Variants in NR2F1-AS1 observed in about 807,000 individuals in gnomAD.
The protein encoded by NR2F1-AS1 is NR2F1 antisense RNA 1.
rs59297889 is a variant in NR2F1-AS1 at position 93,535,151 on chromosome 5, C to CAA, written n.638+18608_638+18609dup. 2.5e-3 allele frequency among the ~76,000 whole-genome samples: 323 copies of CAA among 126,882 alleles called. 2 individuals carry two copies. The highest frequency in any genetic ancestry group is 8.3e-3 in the African/African-American group (294 of 35,340). The allele number at this position is 126,882 out of a possible 152,430, so 83.2% of individuals were successfully genotyped here. A position where few individuals can be genotyped will look rare whatever the true frequency, so the allele number is the denominator to read the frequency against. On this transcript the variant is annotated intron_variant and non_coding_transcript_variant, in intron 4 of 5. Coordinates refer to ENST00000660523, the Ensembl canonical transcript of NR2F1-AS1. ...CCTTAAACAGAATGAGAGACTCAGA[C>CAA]AAAAAAAAAAAATGGAAGGAATAAA...
chr5:93,582,945 A>G (rs1317122659), upstream of NR2F1-AS1, among the ~76,000 whole-genome samples: 2 of 149,016 alleles, frequency 1.3e-5, no homozygotes, highest in Non-Finnish European at 3.0e-5. Context: ...GTAGGTAGCT[A>G]AGCGGGGGGG....
chr5:93,507,493 G>A (rs1376963419), intron 4 of NR2F1-AS1, among the ~76,000 whole-genome samples: 1 of 152,138 alleles, frequency 6.6e-6, no homozygotes, highest in Non-Finnish European at 1.5e-5. Context: ...AAGTAGCTGG[G>A]ATTACAGGTG....
chr5:93,582,190 C>A (rs929070258), upstream of NR2F1-AS1, among the ~76,000 whole-genome samples: 14 of 148,430 alleles, frequency 9.4e-5, no homozygotes, highest in African/African-American at 2.5e-4. Flanking sequence ...AATCTCCCCC[C>A]ACCCTGCAAC....
chr5:93,553,883 AG>A (rs1752288361), intron 3 of NR2F1-AS1: 1 of 152,206 alleles, frequency 6.6e-6, no homozygotes, highest in Admixed American at 6.5e-5. Flanking sequence ...GATTATTACC[AG>A]TGGTCACAGA....
intron 4 of NR2F1-AS1, among the ~76,000 whole-genome samples, chr5:93,513,562 C>A (rs1751344186): frequency 6.6e-6 from 1 of 152,060 alleles, no homozygotes; most frequent in Non-Finnish European, 1.5e-5. Flanking sequence ...AACAGAAAAA[C>A]AAACACTATA....
chr5:93,456,759 T>C (rs1364205155), intron 4 of NR2F1-AS1, among the ~76,000 whole-genome samples: 1 of 151,970 alleles, frequency 6.6e-6, no homozygotes, highest in African/African-American at 2.4e-5. Context: ...TCCCTCAGTA[T>C]TTATTCATTA....
chr5:93,484,873 T>C (rs1252432874), intron 4 of NR2F1-AS1, among the ~76,000 whole-genome samples: 1 of 151,770 alleles, frequency 6.6e-6, no homozygotes, highest in African/African-American at 2.4e-5. Flanking sequence ...AGAAAGGGCA[T>C]TGCATATTGG....
At chr5:93,456,369 G>A (rs1164638953) in intron 4 of NR2F1-AS1, among the ~76,000 whole-genome samples, 4 of 152,032 alleles carry the variant, frequency 2.6e-5, no homozygotes, top group African/African-American at 7.2e-5. Flanking sequence ...GGAAATAATT[G>A]GGAATAAATT....
chr5:93,504,431 A>G (rs1157780383), intron 4 of NR2F1-AS1, among the ~76,000 whole-genome samples: 1 of 152,246 alleles, frequency 6.6e-6, no homozygotes, highest in East Asian at 1.9e-4. Context: ...AATCTTAAAG[A>G]AACAGGTAAC....
At chr5:93,572,178 T>G (rs769240615) in intron 1 of NR2F1-AS1, among the ~76,000 whole-genome samples, 1 of 152,194 alleles carries the variant, frequency 6.6e-6, no homozygotes, top group Non-Finnish European at 1.5e-5. Flanking sequence ...AGCTGTGCGT[T>G]TCGGAGCGGT....
At chr5:93,548,722 TTGAC>T (rs1022073881) in intron 4 of NR2F1-AS1, among the ~76,000 whole-genome samples, 10 of 150,188 alleles carry the variant, frequency 6.7e-5, no homozygotes, top group South Asian at 2.1e-4. Flanking sequence ...AAAAAAAAAA[TTGAC>T]TGGGTGTAGT....
At chr5:93,472,329 T>C (rs1239503890) in intron 4 of NR2F1-AS1, among the ~76,000 whole-genome samples, 1 of 151,238 alleles carries the variant, frequency 6.6e-6, no homozygotes, top group Non-Finnish European at 1.5e-5. Context: ...GTCCACATAA[T>C]TAAGTTAAGA....
chr5:93,501,049 T>C (rs1382613565), intron 4 of NR2F1-AS1, among the ~76,000 whole-genome samples: 1 of 152,144 alleles, frequency 6.6e-6, no homozygotes, highest in African/African-American at 2.4e-5. Context: ...TATTAAAACA[T>C]CCATGTTTCA....
chr5:93,439,487 G>A (rs531317251), intron 4 of NR2F1-AS1, among the ~76,000 whole-genome samples: 1 of 152,254 alleles, frequency 6.6e-6, no homozygotes, highest in South Asian at 2.1e-4. Flanking sequence ...GTAGAGACGG[G>A]GTTTCACTGT....
intron 4 of NR2F1-AS1, among the ~76,000 whole-genome samples, chr5:93,517,279 GAA>G (rs1414171828): frequency 6.6e-6 from 1 of 151,798 alleles, no homozygotes; most frequent in Non-Finnish European, 1.5e-5. Context: ...AGAGCCTTGG[GAA>G]TACAAAATCT....
intron 4 of NR2F1-AS1, among the ~76,000 whole-genome samples, chr5:93,483,104 G>C (rs527374267): frequency 5.9e-4 from 90 of 152,300 alleles, no homozygotes; most frequent in African/African-American, 2.0e-3. Flanking sequence ...TCTGCTAAGG[G>C]ACAGACTGCC....
intron 4 of NR2F1-AS1, among the ~76,000 whole-genome samples, chr5:93,476,838 A>C (rs1750496054): frequency 6.6e-6 from 1 of 152,172 alleles, no homozygotes; most frequent in African/African-American, 2.4e-5. Flanking sequence ...TTGGAAAAAA[A>C]AAATGGACAT....
chr5:93,421,933 G>T (rs1428562823), intron 4 of NR2F1-AS1, among the ~76,000 whole-genome samples: 1 of 152,144 alleles, frequency 6.6e-6, no homozygotes, highest in Non-Finnish European at 1.5e-5. Flanking sequence ...TTAAATTACG[G>T]CTTTCAGAAG....
intron 4 of NR2F1-AS1, among the ~76,000 whole-genome samples, chr5:93,541,273 T>C (rs1751944493): frequency 6.6e-6 from 1 of 152,212 alleles, no homozygotes; most frequent in South Asian, 2.1e-4. Flanking sequence ...TCCCATGTGA[T>C]AAGCAGGCCC....
Sources: allele counts gnomAD v4.1 joint callset (sites outside exome capture counted in the v4.1 genomes callset), GRCh38; gene constraint gnomAD v4.1.1; transcripts MANE v1.5; gene names NCBI Gene and HGNC (gene_info 2026-07-23, HGNC 2026-07-21).